PPP2R2B: variants seen among roughly 807,000 people sequenced by gnomAD.
The protein encoded by PPP2R2B is serine/threonine-protein phosphatase 2A 55 kDa regulatory subunit B beta isoform.
PPP2R2B carries 5 observed loss-of-function variants against 46.0 expected under a neutral mutation model. The observed-to-expected ratio is 0.11, with a 90% confidence interval of 0.06 to 0.23. The LOEUF is 0.23. PPP2R2B is among the 10% of genes least tolerant of loss of function. The probability of loss-of-function intolerance (pLI) is 1.00; values close to 1 mark genes in which losing one functional copy is unlikely to be tolerated. For missense variants in PPP2R2B, 367 were observed against 575.0 expected, an observed-to-expected ratio of 0.64 and a Z score of 3.70; for synonymous variants, 215 against 206.7, an observed-to-expected ratio of 1.04 and a Z score of -0.34.
chr5:146,590,362 T>C (rs1240798015), intron 9 of PPP2R2B, 136 bp from the exon 10 acceptor site: 2 of 751,306 alleles, frequency 2.7e-6, no homozygotes, highest in African/African-American at 3.7e-5. Flanking sequence ...GAACAGGCTC[T>C]GCAGTGTGAT....
chr5:147,080,421 G>A (rs1266869725), intron 2 of PPP2R2B, among the ~76,000 whole-genome samples: 2 of 152,120 alleles, frequency 1.3e-5, no homozygotes, highest in Non-Finnish European at 2.9e-5. Context: ...CCTTCCAATT[G>A]CCTATCATCC....
At chr5:146,851,033 T>C (rs1316007546) in intron 2 of PPP2R2B, among the ~76,000 whole-genome samples, 1 of 152,118 alleles carries the variant, frequency 6.6e-6, no homozygotes, top group East Asian at 1.9e-4. Context: ...GGTTTGGTAG[T>C]TTCCAAATAA....
In PPP2R2B at chr5:146,864,006, G is replaced by A. The variant is rs185610014; in HGVS notation, c.70+13996C>T. Among the ~76,000 whole-genome samples the A allele has an allele frequency of 2.6e-5, 4 of 152,206 alleles. No individual in the cohort carries two copies. In the East Asian group the frequency reaches 7.7e-4, roughly 29 times the overall value. On this transcript the variant is annotated intron_variant, in intron 2 of 9. Transcript: ENST00000394411. ...TTACAAAGGTATTCCTTGGAACAGC[G>A]ATTTTAGAAGGAAATTTATTCCTAT...
chr5:146,949,456 C>T (rs1192462532), intron 1 of PPP2R2B, among the ~76,000 whole-genome samples: 1 of 152,016 alleles, frequency 6.6e-6, no homozygotes, highest in East Asian at 1.9e-4. Context: ...AATGAGATAT[C>T]ATCTCACCCC....
chr5:146,909,811 C>A (rs1763118635), intron 1 of PPP2R2B, among the ~76,000 whole-genome samples: 1 of 152,044 alleles, frequency 6.6e-6, no homozygotes, highest in Non-Finnish European at 1.5e-5. Flanking sequence ...TGGCTTTGCA[C>A]AATATTATTA....
chr5:146,913,634 A>G (rs319166), intron 1 of PPP2R2B, among the ~76,000 whole-genome samples: 74,274 of 151,542 alleles, frequency 0.49, 20,163 homozygotes, highest in East Asian at 0.72. Context: ...ACCCCACAAG[A>G]CATGGTTCTT....
chr5:147,003,770 C>T (rs1020217573), intron 1 of PPP2R2B, among the ~76,000 whole-genome samples: 2 of 152,104 alleles, frequency 1.3e-5, no homozygotes, highest in Non-Finnish European at 2.9e-5. Flanking sequence ...GGAAAAAGCC[C>T]ATGAATTATT....
At chr5:146,917,335 C>T (rs1763427387) in intron 1 of PPP2R2B, among the ~76,000 whole-genome samples, 1 of 152,196 alleles carries the variant, frequency 6.6e-6, no homozygotes, top group Non-Finnish European at 1.5e-5. Flanking sequence ...TTTCCGATGC[C>T]ACTTTTTGAT....
At chr5:146,653,141 G>A (rs547855141) in intron 5 of PPP2R2B, among the ~76,000 whole-genome samples, 1 of 152,286 alleles carries the variant, frequency 6.6e-6, no homozygotes, top group Admixed American at 6.5e-5. Flanking sequence ...GAGAGGCTAA[G>A]TCACTGGCCC....
chr5:146,868,139 T>C (rs189637615), intron 2 of PPP2R2B, among the ~76,000 whole-genome samples: 26 of 152,352 alleles, frequency 1.7e-4, no homozygotes, highest in Non-Finnish European at 3.5e-4. Flanking sequence ...GAGTCCCTGA[T>C]TCACTCCAGC....
intron 5 of PPP2R2B, among the ~76,000 whole-genome samples, chr5:146,660,683 C>A (rs577908963): frequency 1.3e-5 from 2 of 152,158 alleles, no homozygotes; most frequent in Non-Finnish European, 2.9e-5. Flanking sequence ...CTCAATATGT[C>A]CCTAATTTCT....
intron 1 of PPP2R2B, among the ~76,000 whole-genome samples, chr5:146,956,288 A>T (rs1400044944): frequency 6.6e-6 from 1 of 152,078 alleles, no homozygotes; most frequent in Non-Finnish European, 1.5e-5. Flanking sequence ...TCTCCTATAC[A>T]CTTTAATCTC....
At chr5:146,708,346 G>T (rs1344373392) in intron 2 of PPP2R2B, among the ~76,000 whole-genome samples, 1 of 140,800 alleles carries the variant, frequency 7.1e-6, no homozygotes, top group Non-Finnish European at 1.5e-5. Flanking sequence ...GACAGAGCCA[G>T]ACTTGGTCTC....
At chr5:146,994,045 T>C (rs369477149) in intron 1 of PPP2R2B, among the ~76,000 whole-genome samples, 21 of 152,156 alleles carry the variant, frequency 1.4e-4, no homozygotes, top group African/African-American at 5.1e-4. Context: ...TTGTGGCTTC[T>C]TAAGGTCAAG....
intron 6 of PPP2R2B, among the ~76,000 whole-genome samples, chr5:146,645,966 GC>G (rs1775554401): frequency 6.6e-6 from 1 of 152,104 alleles, no homozygotes; most frequent in African/African-American, 2.4e-5. Flanking sequence ...ACACCTCTTT[GC>G]CAAGTTAGTT....
chr5:146,595,171 G>T (rs1771049219), intron 8 of PPP2R2B, among the ~76,000 whole-genome samples: 1 of 152,162 alleles, frequency 6.6e-6, no homozygotes, highest in Admixed American at 6.5e-5. Flanking sequence ...GGTGACAAGG[G>T]AATACCCCTA....
At chr5:146,670,715 C>T (rs1386672999) in intron 5 of PPP2R2B, among the ~76,000 whole-genome samples, 3 of 151,856 alleles carry the variant, frequency 2.0e-5, no homozygotes, top group South Asian at 4.2e-4. Flanking sequence ...AGGCTGGTCT[C>T]GAACTCCTGA....
At chr5:146,838,528 G>A (rs1759429218) in intron 2 of PPP2R2B, among the ~76,000 whole-genome samples, 1 of 146,532 alleles carries the variant, frequency 6.8e-6, no homozygotes, top group Non-Finnish European at 1.5e-5. Flanking sequence ...CTAAGATTGT[G>A]CCACTGCACT....
intron 1 of PPP2R2B, among the ~76,000 whole-genome samples, chr5:146,974,404 G>T (rs979716413): frequency 6.6e-6 from 1 of 152,134 alleles, no homozygotes; most frequent in African/African-American, 2.4e-5. Context: ...CCAGTTGAAG[G>T]TCACATAGGC....
Sources: allele counts gnomAD v4.1 joint callset (sites outside exome capture counted in the v4.1 genomes callset), GRCh38; gene constraint gnomAD v4.1.1; transcripts MANE v1.5; gene names NCBI Gene and HGNC (gene_info 2026-07-23, HGNC 2026-07-21).